The following TGFBRAP1 variants were observed in gnomAD, a reference collection of about 807,000 sequenced individuals.
TGFBRAP1 encodes transforming growth factor-beta receptor-associated protein 1.
A neutral mutation model predicts 83.2 loss-of-function variants in TGFBRAP1; 20 were observed. The ratio of observed to expected loss-of-function variants is 0.24; its 90% CI spans 0.17 to 0.35. The LOEUF (loss-of-function observed/expected upper bound fraction) is 0.35, where lower values mean the gene tolerates loss of function less well. Among genes scored for constraint, TGFBRAP1 ranks in the 10% least tolerant of loss-of-function variants. TGFBRAP1 has a pLI of 1.00. For synonymous variants in TGFBRAP1, 415 were observed against 459.8 expected, an observed-to-expected ratio of 0.90 and a Z score of 1.25; for missense variants, 950 against 1,099.4, an observed-to-expected ratio of 0.86 and a Z score of 1.92.
Position 105,266,412 on chromosome 2 carries a change from A to G in TGFBRAP1, c.*971T>C, listed in dbSNP as rs1011741368. The stretch of plus-strand genomic sequence containing the variant: ...ATTTCCCGAGTATTCAACAGGAGAT[A>G]CATTTTAACAAGAAAAAATACCCCT... On this transcript the variant is annotated 3_prime_UTR_variant, in exon 12 of 12. Coordinates refer to ENST00000393359, the MANE Select transcript of TGFBRAP1 (RefSeq NM_004257.6). 1 of 152,254 alleles carries G rather than the reference A, an allele frequency of 6.6e-6. No individual in the cohort carries two copies. The highest frequency in any genetic ancestry group is 6.5e-5 in the Admixed American group (1 of 15,282). The allele number at this position is 152,254 out of a possible 1,614,324, so 9.4% of individuals were successfully genotyped here. A position where few individuals can be genotyped will look rare whatever the true frequency, so the allele number is the denominator to read the frequency against.
chr2:105,287,323 A>C (rs1209637417), intron 4 of TGFBRAP1, among the ~76,000 whole-genome samples: 1 of 151,932 alleles, frequency 6.6e-6, no homozygotes, highest in Non-Finnish European at 1.5e-5. Flanking sequence ...ATGCCACAGA[A>C]CTACACACTT....
At chr2:105,287,264 T>A (rs1457030771) in intron 4 of TGFBRAP1, among the ~76,000 whole-genome samples, 1 of 152,064 alleles carries the variant, frequency 6.6e-6, no homozygotes, top group Non-Finnish European at 1.5e-5. Flanking sequence ...AGATGAAAGG[T>A]CTGGAGATGG....
rs182266996 is a variant in TGFBRAP1, at chr2:105,294,606, G to T, written c.1038+1750C>A. Among the ~76,000 whole-genome samples, 47 of 152,254 alleles carry T rather than the reference G, an allele frequency of 3.1e-4. No individual in the cohort carries two copies. In the East Asian group the frequency reaches 9.1e-3, roughly 29 times the overall value. The stretch of plus-strand genomic sequence containing the variant: ...GGGTGAACTCGAGATAATTCTGAAG[G>T]TGTATTTCCAGGGCTGGAGATAGGA... On this transcript the variant is annotated intron_variant, in intron 4 of 11. Transcript: ENST00000393359.
intron 2 of TGFBRAP1, among the ~76,000 whole-genome samples, chr2:105,304,844 T>C (rs1020576954): frequency 6.6e-6 from 1 of 152,026 alleles, no homozygotes; most frequent in African/African-American, 2.4e-5. Context: ...AAAGGCTACA[T>C]ACTGTATGGT....
chr2:105,275,094 A>G (rs1677290669), intron 8 of TGFBRAP1, among the ~76,000 whole-genome samples: 1 of 152,038 alleles, frequency 6.6e-6, no homozygotes, highest in African/African-American at 2.4e-5. Flanking sequence ...CAGGCCCACA[A>G]GCTCCATGTT....
At chr2:105,314,577 T>C (rs1247893976) in intron 1 of TGFBRAP1, among the ~76,000 whole-genome samples, 1 of 151,920 alleles carries the variant, frequency 6.6e-6, no homozygotes, top group Non-Finnish European at 1.5e-5. Context: ...ACGGCAGCCC[T>C]AGAAAGTAAT....
In TGFBRAP1 at chr2:105,280,536, T is replaced by G; in HGVS notation, c.1309A>C (p.Ser437Arg). 1 of 1,614,196 alleles carries G rather than the reference T, an allele frequency of 6.2e-7. No homozygotes were observed. The highest frequency in any genetic ancestry group is 8.5e-7 in the Non-Finnish European group (1 of 1,180,038). The part of the protein sequence containing the change: ...FLMSYLNEVR[S>R]TEVANGYKED... Reference sequence around the variant, plus strand: ...TTGTAGCCATTTGCTACCTCTGTGCTGCGGACCTCGTTCAGGTAGCTCATG... The same window carrying G: ...TTGTAGCCATTTGCTACCTCTGTGCGGCGGACCTCGTTCAGGTAGCTCATG... Residue 437 changes from serine to arginine, a missense_variant, in exon 6 of 12, where the codon AGC becomes CGC. Transcript: ENST00000393359.
intron 1 of TGFBRAP1, among the ~76,000 whole-genome samples, chr2:105,309,637 C>T (rs909240503): frequency 6.6e-6 from 1 of 152,206 alleles, no homozygotes; most frequent in Non-Finnish European, 1.5e-5. Context: ...GAGACTCCAG[C>T]CCCCTTCCTT....
At position 105,264,743 on chromosome 2, in the gene TGFBRAP1, A is replaced by G. The variant is rs949433098; in HGVS notation, c.*2640T>C. The G allele has an allele frequency of 1.3e-5, 2 of 152,234 alleles. No individual in the cohort carries two copies. The highest frequency in any genetic ancestry group is 2.4e-5 in the African/African-American group (1 of 41,458). 9.4% of individuals were successfully genotyped at this position (152,234 alleles called of 1,614,324 possible). The stretch of plus-strand genomic sequence containing the variant: ...AACGCAGCCTGAGTGACATCCCTAC[A>G]TTAATACTTGATAGGGAACAGCAGA... On this transcript the variant is annotated 3_prime_UTR_variant, in exon 12 of 12. Coordinates refer to ENST00000393359, the MANE Select transcript of TGFBRAP1 (RefSeq NM_004257.6).
At chr2:105,293,767 C>T (rs1385635891) in intron 4 of TGFBRAP1, among the ~76,000 whole-genome samples, 1 of 152,068 alleles carries the variant, frequency 6.6e-6, no homozygotes, top group Non-Finnish European at 1.5e-5. Context: ...TCCATTATAT[C>T]ACAGCTCTGC....
At chr2:105,308,880 A>C (rs1678608524) in intron 1 of TGFBRAP1, among the ~76,000 whole-genome samples, 1 of 152,352 alleles carries the variant, frequency 6.6e-6, no homozygotes, top group South Asian at 2.1e-4. Flanking sequence ...CCACAGTCAC[A>C]GGATCCTGCC....
intron 1 of TGFBRAP1, among the ~76,000 whole-genome samples, chr2:105,322,133 C>A (rs1679085380): frequency 6.6e-6 from 1 of 151,468 alleles, no homozygotes; most frequent in African/African-American, 2.4e-5. Context: ...CAGGCCAAGG[C>A]TAATGTGTGT....
intron 1 of TGFBRAP1, among the ~76,000 whole-genome samples, chr2:105,311,614 A>T (rs1033051809): frequency 2.6e-5 from 4 of 151,916 alleles, no homozygotes; most frequent in Non-Finnish European, 5.9e-5. Flanking sequence ...AGAAAAAAAA[A>T]TTGGCTAGGA....
chr2:105,308,410 A>C, intron 1 of TGFBRAP1, 92 bp from the exon 2 acceptor site: 1 of 1,256,984 alleles, frequency 8.0e-7, no homozygotes. Context: ...CCTAGTTGTC[A>C]TTTTCATTAA....
intron 1 of TGFBRAP1, among the ~76,000 whole-genome samples, chr2:105,314,082 G>C (rs11894742): frequency 0.019 from 2,909 of 151,978 alleles, 94 homozygotes; most frequent in African/African-American, 0.066. Context: ...TTTGTACACA[G>C]AGACAGATAC....
chr2:105,275,064 C>T (rs1458222804), intron 8 of TGFBRAP1, among the ~76,000 whole-genome samples: 1 of 152,174 alleles, frequency 6.6e-6, no homozygotes, highest in Non-Finnish European at 1.5e-5. Context: ...GAGTCTTGCT[C>T]ATGGCTCCCC....
At chr2:105,293,359 T>A (rs1303778842) in intron 4 of TGFBRAP1, among the ~76,000 whole-genome samples, 1 of 152,248 alleles carries the variant, frequency 6.6e-6, no homozygotes, top group Non-Finnish European at 1.5e-5. Flanking sequence ...TAAGGCTTGC[T>A]TTCTAAAGTT....
At chr2:105,297,450 C>A (rs1678124943) in intron 3 of TGFBRAP1, among the ~76,000 whole-genome samples, 1 of 152,210 alleles carries the variant, frequency 6.6e-6, no homozygotes, top group Non-Finnish European at 1.5e-5. Flanking sequence ...TGTGTGACCC[C>A]AGCGCATGCG....
chr2:105,257,454 C>T, the TGFBRAP1 span, among the ~76,000 whole-genome samples: 1 of 152,196 alleles, frequency 6.6e-6, no homozygotes, highest in Non-Finnish European at 1.5e-5. Context: ...CACCATTCTA[C>T]TTCCCATCTG....
Sources: gnomAD v4.1 joint callset for allele counts (sites outside exome capture counted in the v4.1 genomes callset) on GRCh38, gnomAD v4.1.1 for gene constraint, MANE v1.5 for transcripts, NCBI Gene and HGNC (gene_info 2026-07-23, HGNC 2026-07-21) for gene names.